CADPS: variants seen among roughly 807,000 people sequenced by gnomAD.
The protein encoded by CADPS is calcium dependent secretion activator.
A neutral mutation model predicts 167.3 loss-of-function variants in CADPS; 57 were observed. That is an observed-to-expected ratio of 0.34 (90% CI 0.28 to 0.42). CADPS has a LOEUF of 0.42. Ranked by LOEUF, CADPS falls within the 20% of genes least tolerant of loss-of-function variation. CADPS has a pLI of 1.00. For synonymous variants in CADPS, 676 were observed against 635.3 expected, an observed-to-expected ratio of 1.06 and a Z score of -0.96; for missense variants, 1,414 against 1,738.1, an observed-to-expected ratio of 0.81 and a Z score of 3.32.
At chr3:62,400,668 C>T (rs190700482) in intron 29 of CADPS, among the ~76,000 whole-genome samples, 2 of 146,214 alleles carry the variant, frequency 1.4e-5, no homozygotes, top group South Asian at 2.2e-4. Context: ...AGATCGATCT[C>T]GGCTCACTGC....
rs1575662963 is a variant in CADPS, at chr3:62,412,949, C to A, written c.3778-9764G>T. Among the ~76,000 whole-genome samples, 1 of 152,070 alleles carries A rather than the reference C, an allele frequency of 6.6e-6. No homozygotes were observed. The highest frequency in any genetic ancestry group is 6.6e-5 in the Admixed American group (1 of 15,254). ...CTAAAACCCAACAAGTCACAAAATCCCCCTTTATCCTACCCAATCCCACTT... is the reference window on the plus strand; with the variant it reads ...CTAAAACCCAACAAGTCACAAAATCACCCTTTATCCTACCCAATCCCACTT... On this transcript the variant is annotated intron_variant, in intron 28 of 29. Transcript: ENST00000383710. The surrounding 1 kb of genome is among the most constrained non-coding windows in gnomAD (Gnocchi z 4.1).
At chr3:62,731,808 A>G (rs2077903055) in intron 3 of CADPS, among the ~76,000 whole-genome samples, 1 of 66,908 alleles carries the variant, frequency 1.5e-5, no homozygotes, top group African/African-American at 1.2e-4. Context: ...TCATATGCAA[A>G]AAAAAAAAAA....
intron 6 of CADPS, among the ~76,000 whole-genome samples, chr3:62,639,843 T>C (rs1408171600): frequency 6.6e-6 from 1 of 152,146 alleles, no homozygotes; most frequent in African/African-American, 2.4e-5. Context: ...CTAGGCACAT[T>C]GTTCCCCCTT....
In CADPS at chr3:62,536,249, T is replaced by C. The variant is rs1191860807; in HGVS notation, c.2103+196A>G. ...GAGGCTGGGGAATTGGATCTGTTTC[T>C]ACTGATAACTTCCTCCCGCTCAGTC... is the stretch of plus-strand genomic sequence containing the variant. On this transcript the variant is annotated intron_variant, in intron 12 of 29. Coordinates refer to ENST00000383710, the MANE Select transcript of CADPS (RefSeq NM_003716.4). The C allele has an allele frequency of 5.8e-6, 3 of 518,774 alleles. No individual in the cohort carries two copies. In the East Asian group the frequency reaches 8.9e-5, roughly 15 times the overall value. 32.1% of individuals were successfully genotyped at this position (518,774 alleles called of 1,614,324 possible). A position where few individuals can be genotyped will look rare whatever the true frequency, so the allele number is the denominator to read the frequency against.
intron 1 of CADPS, among the ~76,000 whole-genome samples, chr3:62,785,609 A>C (rs2092341003): frequency 6.6e-6 from 1 of 152,196 alleles, no homozygotes; most frequent in South Asian, 2.1e-4. Context: ...ATACCTGCTC[A>C]AGGTGAGTAA....
rs766021873 is a variant in CADPS, at chr3:62,533,038, C to T, written c.2124G>A (p.Gln708=). The T allele has an allele frequency of 1.2e-6, 2 of 1,613,708 alleles. No individual in the cohort carries two copies. Among genetic ancestry groups the T allele is most frequent in the African/African-American group, 1.3e-5 (1 of 75,000 alleles). Residue 708 remains glutamine, a synonymous_variant, in exon 13 of 30, where the codon CAG becomes CAA. Coordinates refer to ENST00000383710, the MANE Select transcript of CADPS (RefSeq NM_003716.4). ...YSCLGWFSPG[Q]VFVLDEYCAR... is the part of the protein sequence containing the mutation. Reference sequence around the variant, plus strand: ...CGCAATACTCGTCTAGTACAAACACCTGGCCAGGACTGAACCAGCCCTATA... The same window carrying T: ...CGCAATACTCGTCTAGTACAAACACTTGGCCAGGACTGAACCAGCCCTATA...
intron 6 of CADPS, among the ~76,000 whole-genome samples, chr3:62,643,781 G>A (rs2067934625): frequency 2.0e-5 from 3 of 152,102 alleles, no homozygotes; most frequent in Admixed American, 6.5e-5. Flanking sequence ...ATCTTAAAAG[G>A]TTGCCAGAAA....
Position 62,771,884 on chromosome 3 carries a change from A to G in CADPS, c.442-5900T>C, listed in dbSNP as rs567804110. 2.0e-5 allele frequency among the ~76,000 whole-genome samples: 3 copies of G among 152,328 alleles called. No homozygotes were observed. In the East Asian group the frequency reaches 5.8e-4, roughly 29 times the overall value. Reference sequence around the variant, plus strand: ...GAAGTGTGAAATGTGATCTGCAGTGAGGAGAAAACGGCATGTTCTAAGTGT... The same window carrying G: ...GAAGTGTGAAATGTGATCTGCAGTGGGGAGAAAACGGCATGTTCTAAGTGT... On this transcript the variant is annotated intron_variant, in intron 1 of 29. Coordinates refer to ENST00000383710, the MANE Select transcript of CADPS (RefSeq NM_003716.4).
At position 62,458,828 on chromosome 3, in the gene CADPS, C is replaced by G. The variant is rs149044435; in HGVS notation, c.3636+6539G>C. Among the ~76,000 whole-genome samples, 318 of 152,314 alleles carry G rather than the reference C, an allele frequency of 2.1e-3. 1 individual carries two copies. The highest frequency in any genetic ancestry group is 3.0e-3 in the Non-Finnish European group (206 of 68,022). On this transcript the variant is annotated intron_variant, in intron 26 of 29. Coordinates refer to ENST00000383710, the MANE Select transcript of CADPS (RefSeq NM_003716.4). The surrounding 1 kb of genome is among the most constrained non-coding windows in gnomAD (Gnocchi z 4.6). ...CTGTGACCTGGTCACTTAGACCACA[C>G]AGTCTGGAGAAAATACTGTGTGTGT...
At position 62,403,204 on chromosome 3, in the gene CADPS, G is replaced by T. The variant is rs775735609; in HGVS notation, c.3778-19C>A. On this transcript the variant is annotated intron_variant, in intron 28 of 29. Coordinates refer to ENST00000383710, the MANE Select transcript of CADPS (RefSeq NM_003716.4). ...ACCATTGCTGAAAAAAGAGACAAAA[G>T]TTCTCCAGCCAACACATCATGGAGC... The T allele has an allele frequency of 2.1e-5, 32 of 1,559,100 alleles. No homozygotes were observed. In the South Asian group the frequency reaches 3.0e-4, roughly 15 times the overall value.
intron 21 of CADPS, among the ~76,000 whole-genome samples, chr3:62,483,136 T>C (rs1284581184): frequency 6.6e-6 from 1 of 151,930 alleles, no homozygotes; most frequent in East Asian, 1.9e-4. Flanking sequence ...GGAGCCTTCC[T>C]GTTTAAGTGA....
intron 6 of CADPS, among the ~76,000 whole-genome samples, chr3:62,613,324 A>G (rs1384023333): frequency 1.3e-5 from 2 of 152,210 alleles, no homozygotes; most frequent in Non-Finnish European, 1.5e-5. Flanking sequence ...TCTGTGGCTC[A>G]GCTCCAGAGT....
intron 1 of CADPS, among the ~76,000 whole-genome samples, chr3:62,865,383 A>AT (rs1412728247): frequency 3.8e-5 from 5 of 131,364 alleles, no homozygotes; most frequent in African/African-American, 8.6e-5. Flanking sequence ...ACACTTAAGG[A>AT]TTAAAAAAAA....
intron 3 of CADPS, 97 bp from the exon 4 acceptor site, chr3:62,662,491 T>C (rs2073482917): frequency 2.0e-6 from 2 of 981,360 alleles, no homozygotes. Flanking sequence ...CTGTGCTCCA[T>C]GGACATATTT....
rs1321299083 is a variant in CADPS, at chr3:62,478,998, C to G, written c.3174-582G>C. ...AGGGGTACACCTGGATACCTTGATT[C>G]CAAAATTCTAGTTCAGTTTGGTTAC... is the stretch of plus-strand genomic sequence containing the variant. On this transcript the variant is annotated intron_variant, in intron 22 of 29. Transcript: ENST00000383710. The surrounding 1 kb of genome is among the most constrained non-coding windows in gnomAD (Gnocchi z 5.7). Among the ~76,000 whole-genome samples the G allele has an allele frequency of 6.6e-6, 1 of 152,164 alleles. No homozygotes were observed. The highest frequency in any genetic ancestry group is 1.5e-5 in the Non-Finnish European group (1 of 68,032).
chr3:62,535,249 T>A (rs1318959318), intron 12 of CADPS, among the ~76,000 whole-genome samples: 1 of 150,374 alleles, frequency 6.7e-6, no homozygotes, highest in East Asian at 1.9e-4. Context: ...TTTTTTTTTT[T>A]AAGTCAAAGT....
intron 24 of CADPS, among the ~76,000 whole-genome samples, chr3:62,471,300 C>T (rs555761229): frequency 9.2e-5 from 14 of 152,260 alleles, no homozygotes; most frequent in African/African-American, 2.9e-4. Context: ...AAGAAGGGTC[C>T]GCCATTGTGA....
chr3:62,653,377 C>T (rs2070729782), intron 4 of CADPS, among the ~76,000 whole-genome samples: 1 of 152,140 alleles, frequency 6.6e-6, no homozygotes, highest in South Asian at 2.1e-4. Context: ...AGAAAGTGGG[C>T]CCTCATCAGA....
intron 1 of CADPS, among the ~76,000 whole-genome samples, chr3:62,781,864 C>T (rs1427934615): frequency 6.6e-6 from 1 of 152,190 alleles, no homozygotes; most frequent in Non-Finnish European, 1.5e-5. Flanking sequence ...AAATAAAGGA[C>T]CACAGCAGGC....
Sources: allele counts gnomAD v4.1 joint callset (sites outside exome capture counted in the v4.1 genomes callset), GRCh38; gene constraint gnomAD v4.1.1; non-coding constraint Gnocchi (gnomAD v3.1); transcripts MANE v1.5; gene names NCBI Gene and HGNC (gene_info 2026-07-23, HGNC 2026-07-21).